The following CDH12 variants were observed in gnomAD, a reference collection of about 807,000 sequenced individuals.
CDH12 encodes the protein cadherin-12.
Under a neutral mutation model 74.1 loss-of-function variants are expected in CDH12, and 41 were observed. That is an observed-to-expected ratio of 0.55 (90% CI 0.43 to 0.72). The LOEUF (loss-of-function observed/expected upper bound fraction) is 0.72, where lower values mean the gene tolerates loss of function less well. CDH12 is among the 30% of genes least tolerant of loss of function. CDH12 has a pLI of 0.00. For missense variants in CDH12, 945 were observed against 977.2 expected, an observed-to-expected ratio of 0.97 and a Z score of 0.44; for synonymous variants, 399 against 355.0, an observed-to-expected ratio of 1.12 and a Z score of -1.39.
chr5:21,754,394 G>C (rs539966408), intron 14 of CDH12, among the ~76,000 whole-genome samples: 216 of 152,238 alleles, frequency 1.4e-3, no homozygotes, highest in African/African-American at 4.8e-3. Context: ...AAATGATCTT[G>C]TTAAATTTCA....
Position 21,829,186 on chromosome 5 carries a change from T to C in CDH12, c.815-12054A>G, listed in dbSNP as rs1446399719. Among the ~76,000 whole-genome samples the C allele has an allele frequency of 2.0e-5, 3 of 152,140 alleles. No individual in the cohort carries two copies. The East Asian group carries it at 5.8e-4, about 29-fold the overall frequency. On this transcript the variant is annotated intron_variant, in intron 8 of 14. Coordinates refer to ENST00000382254, the MANE Select transcript of CDH12 (RefSeq NM_004061.5). ...AGTGCGTACCTGTAATCTCAATGAC[T>C]CAGGAGGCTGAGGCAGGAGAATAGC...
intron 6 of CDH12, among the ~76,000 whole-genome samples, chr5:21,863,441 T>G (rs1751160246): frequency 6.6e-6 from 1 of 152,182 alleles, no homozygotes; most frequent in Non-Finnish European, 1.5e-5. Context: ...CTTACTATAG[T>G]AAAACAATTT....
chr5:22,529,165 G>GTATA lies in CDH12; in HGVS notation c.-522-23805_-522-23802dup, dbSNP rs375609140. ...TATATACACATATATATACACATGT[G>GTATA]TATATATATATATATATATATATAG... On this transcript the variant is annotated intron_variant, in intron 1 of 14. Coordinates refer to ENST00000382254, the MANE Select transcript of CDH12 (RefSeq NM_004061.5). 6.5e-3 allele frequency among the ~76,000 whole-genome samples: 490 copies of GTATA among 75,628 alleles called. 4 individuals carry two copies. Among genetic ancestry groups the GTATA allele is most frequent in the South Asian group, 0.017 (36 of 2,138 alleles). 49.6% of individuals were successfully genotyped at this position (75,628 alleles called of 152,430 possible). A position where few individuals can be genotyped will look rare whatever the true frequency, so the allele number is the denominator to read the frequency against.
chr5:22,574,550 C>T (rs2126771286), intron 1 of CDH12, among the ~76,000 whole-genome samples: 1 of 152,240 alleles, frequency 6.6e-6, no homozygotes, highest in South Asian at 2.1e-4. Context: ...AGTAGGCTCT[C>T]TTAATTATGT....
intron 3 of CDH12, among the ~76,000 whole-genome samples, chr5:22,363,395 G>A (rs1412392424): frequency 6.6e-6 from 1 of 152,022 alleles, no homozygotes; most frequent in Non-Finnish European, 1.5e-5. Flanking sequence ...AGAATACTTA[G>A]GGAATGCAAA....
At chr5:22,273,465 T>C (rs928015078) in intron 3 of CDH12, among the ~76,000 whole-genome samples, 2 of 152,170 alleles carry the variant, frequency 1.3e-5, no homozygotes, top group Non-Finnish European at 2.9e-5. Flanking sequence ...ACACTTATAA[T>C]TCTGGAATTC....
chr5:22,726,302 C>T (rs1744161160), intron 1 of CDH12, among the ~76,000 whole-genome samples: 1 of 151,652 alleles, frequency 6.6e-6, no homozygotes, highest in Admixed American at 6.6e-5. Context: ...TGTTATATGG[C>T]CTTTTCAGAT....
At chr5:21,871,862 C>T (rs529708736) in intron 6 of CDH12, among the ~76,000 whole-genome samples, 1 of 152,098 alleles carries the variant, frequency 6.6e-6, no homozygotes, top group African/African-American at 2.4e-5. Flanking sequence ...CCTGAATATT[C>T]AAATACTGAT....
At chr5:22,289,307 C>A (rs1231541543) in intron 3 of CDH12, among the ~76,000 whole-genome samples, 1 of 152,058 alleles carries the variant, frequency 6.6e-6, no homozygotes. Context: ...AGAAATACTG[C>A]CAATCCTGGA....
intron 1 of CDH12, among the ~76,000 whole-genome samples, chr5:22,630,562 G>A (rs924751308): frequency 2.6e-5 from 4 of 152,114 alleles, no homozygotes; most frequent in Non-Finnish European, 5.9e-5. Context: ...TATTCAATAA[G>A]TGCTACTGGG....
intron 2 of CDH12, among the ~76,000 whole-genome samples, chr5:22,449,140 T>G (rs1561412450): frequency 6.6e-6 from 1 of 152,072 alleles, no homozygotes; most frequent in Non-Finnish European, 1.5e-5. Context: ...ATGAACCTTT[T>G]ACTGGTACTG....
intron 3 of CDH12, among the ~76,000 whole-genome samples, chr5:22,311,316 T>C (rs1272383436): frequency 6.6e-6 from 1 of 152,170 alleles, no homozygotes; most frequent in Non-Finnish European, 1.5e-5. Context: ...TAAAATAACA[T>C]AAATTATTGA....
At chr5:21,830,628 G>T (rs1748961453) in intron 8 of CDH12, among the ~76,000 whole-genome samples, 1 of 152,114 alleles carries the variant, frequency 6.6e-6, no homozygotes, top group Non-Finnish European at 1.5e-5. Context: ...GCATCAGTGA[G>T]AGTTTATTCA....
chr5:22,303,429 T>G (rs1737974956), intron 3 of CDH12, among the ~76,000 whole-genome samples: 1 of 152,148 alleles, frequency 6.6e-6, no homozygotes, highest in African/African-American at 2.4e-5. Context: ...TGCAACAATT[T>G]GCTTTAAAAC....
At chr5:22,465,227 C>T (rs1580677399) in intron 2 of CDH12, among the ~76,000 whole-genome samples, 1 of 152,158 alleles carries the variant, frequency 6.6e-6, no homozygotes, top group East Asian at 1.9e-4. Context: ...TTTGGAAAAC[C>T]AGTGCCTCTA....
At chr5:21,993,324 C>A (rs1736071526) in intron 5 of CDH12, among the ~76,000 whole-genome samples, 1 of 152,128 alleles carries the variant, frequency 6.6e-6, no homozygotes. Flanking sequence ...TGCATAATCT[C>A]CAGGACTGTC....
At chr5:22,725,533 G>A (rs1744120524) in intron 1 of CDH12, among the ~76,000 whole-genome samples, 1 of 151,546 alleles carries the variant, frequency 6.6e-6, no homozygotes, top group Non-Finnish European at 1.5e-5. Context: ...CATAGACTAA[G>A]TATCTTATAA....
intron 6 of CDH12, among the ~76,000 whole-genome samples, chr5:21,898,267 G>GA (rs1406954727): frequency 6.6e-6 from 1 of 151,958 alleles, no homozygotes; most frequent in African/African-American, 2.4e-5. Context: ...GTGAGACCAG[G>GA]ATGGAGTGTA....
At chr5:22,223,465 G>T (rs1418961230) in intron 3 of CDH12, among the ~76,000 whole-genome samples, 1 of 152,050 alleles carries the variant, frequency 6.6e-6, no homozygotes, top group Non-Finnish European at 1.5e-5. Context: ...GATGATGCAA[G>T]CCTAGGAAGG....
Sources: allele counts gnomAD v4.1 joint callset (sites outside exome capture counted in the v4.1 genomes callset), GRCh38; gene constraint gnomAD v4.1.1; transcripts MANE v1.5; gene names NCBI Gene and HGNC (gene_info 2026-07-23, HGNC 2026-07-21).